Variants in ITGA10 observed in about 807,000 individuals in gnomAD.
ITGA10 encodes integrin subunit alpha 10, also known as integrin alpha-10.
Under a neutral mutation model 145.2 loss-of-function variants are expected in ITGA10, and 105 were observed. The observed-to-expected ratio is 0.72, with a 90% confidence interval of 0.62 to 0.85. ITGA10 has a LOEUF of 0.85. Among genes scored for constraint, ITGA10 ranks in the 40% least tolerant of loss-of-function variants. The probability of loss-of-function intolerance (pLI) is 0.00; values close to 1 mark genes in which losing one functional copy is unlikely to be tolerated. For missense variants in ITGA10, 1,317 were observed against 1,444.5 expected (o/e 0.91, Z 1.43); for synonymous variants, 506 against 557.8 (o/e 0.91, Z 1.31).
At position 145,900,884 on chromosome 1, in the gene ITGA10, T is replaced by C. The variant is rs139375398; in HGVS notation, c.1697A>G (p.Asp566Gly). Reference protein sequence around the residue: ...LPDLNQDGFADVAVGAPLEDG... With the variant: ...LPDLNQDGFAGVAVGAPLEDG... ...TTCCAGAGGCGCCCCCACAGCCACATCAGCAAAACCATCTTGGTTCAGATC... is the reference window on the plus strand; with the variant it reads ...TTCCAGAGGCGCCCCCACAGCCACACCAGCAAAACCATCTTGGTTCAGATC... Residue 566 changes from aspartate to glycine, a missense_variant, in exon 14 of 30, where the codon GAT becomes GGT. Asp to Gly is a moderately conservative substitution (Grantham distance 94, BLOSUM62 -1). Transcript: ENST00000369304. 52 of 1,613,966 alleles carry C rather than the reference T, an allele frequency of 3.2e-5. No homozygotes were observed. Among genetic ancestry groups the C allele is most frequent in the African/African-American group, 4.0e-5 (3 of 74,880 alleles).
In ITGA10 at chr1:145,907,073, GC is replaced by G. The variant is rs782249120; in HGVS notation, c.241del (p.Ala81ProfsTer11). 5.1e-6 allele frequency: 8 copies of G among 1,560,616 alleles called. No individual in the cohort carries two copies. Among genetic ancestry groups the G allele is most frequent in the African/African-American group, 4.1e-5 (3 of 73,674 alleles). ...GDVYRCPVGG[A>X]HNAPCAKGHL... is the part of the protein sequence containing the mutation. ...GCCCTTGGCACATGGGGCATTGTGGGCCCCCCCTACAGGGCAGCGATAAACG... is the reference window on the plus strand; with the variant it reads ...GCCCTTGGCACATGGGGCATTGTGGGCCCCCCTACAGGGCAGCGATAAACG... On this transcript the variant is annotated frameshift_variant, in exon 3 of 30. Coordinates refer to ENST00000369304, the MANE Select transcript of ITGA10 (RefSeq NM_003637.5). LOFTEE classifies it high-confidence loss of function.
rs1553746969 is a variant in ITGA10, at chr1:145,899,307, C to T, written c.1957G>A (p.Glu653Lys). The T allele has an allele frequency of 6.2e-7, 1 of 1,614,156 alleles. No individual in the cohort carries two copies. The change falls in exon 16 of 30, where the codon GAG (glutamate) becomes AAG (lysine). Residue 653 changes from glutamate to lysine, a missense_variant. Glu to Lys is a moderately conservative substitution (Grantham distance 56, BLOSUM62 1). Transcript: ENST00000369304. Reference sequence around the variant, plus strand: ...ACACTGATGGCCTGTGGGGTCACCTCCAGTGATGGGGTCAGATGGACAATG... The same window carrying T: ...ACACTGATGGCCTGTGGGGTCACCTTCAGTGATGGGGTCAGATGGACAATG... ...RPIVHLTPSL[E>K]VTPQAISVVQ...
At chr1:145,893,689 T>C (rs1164598227) in intron 27 of ITGA10, 54 bp from the exon 28 acceptor site, 6 of 1,411,062 alleles carry the variant, frequency 4.3e-6, no homozygotes, top group African/African-American at 4.3e-5. Context: ...TCAGGTGATA[T>C]AGTTCTTTGG....
chr1:145,906,940 T>A, intron 3 of ITGA10, 101 bp downstream of exon 3: 2 of 1,131,442 alleles, frequency 1.8e-6, no homozygotes, highest in Non-Finnish European at 2.6e-6. Flanking sequence ...GGACAGGGAG[T>A]ATGCGGATTT....
At chr1:145,900,672 C>T (rs1315491783) in intron 14 of ITGA10, 118 bp downstream of exon 14, 1 of 1,057,930 alleles carries the variant, frequency 9.5e-7, no homozygotes, top group African/African-American at 1.6e-5. Flanking sequence ...TTTTTGCCTA[C>T]TAATAAAAGC....
At position 145,901,066 on chromosome 1, in the gene ITGA10, A is replaced by C. The variant is rs1469895393; in HGVS notation, c.1587+69T>G. 2 of 1,612,514 alleles carry C rather than the reference A, an allele frequency of 1.2e-6. No individual in the cohort carries two copies. The highest frequency in any genetic ancestry group is 1.7e-6 in the Non-Finnish European group (2 of 1,178,986). ...TCTCAGCAAACCCTCAAATATGTGC[A>C]CCTTCCCTCCTTTCCTCCCTCCACC... On this transcript the variant is annotated intron_variant, in intron 13 of 29. Transcript: ENST00000369304. The surrounding 1 kb of genome is among the most constrained non-coding windows in gnomAD (Gnocchi z 4.3).
intron 7 of ITGA10, 105 bp from the exon 8 acceptor site, chr1:145,903,066 C>G (rs933385183): frequency 1.4e-5 from 13 of 907,582 alleles, no homozygotes; most frequent in African/African-American, 8.9e-5. Flanking sequence ...CACACACACA[C>G]AGGATTTAAC....
chr1:145,896,006 G>C lies in ITGA10; in HGVS notation c.3010C>G (p.Leu1004Val), dbSNP rs782008386. ...VAHGGNYFLS[L>V]SQVITNNASC... ...ACATTGTTAGTGATGACTTGAGACA[G>C]TGATAGGAAGTAATTGCCCCCATGG... is the stretch of plus-strand genomic sequence containing the variant. Residue 1004 changes from leucine to valine, a missense_variant, in exon 25 of 30, where the codon CTG becomes GTG. Coordinates refer to ENST00000369304, the MANE Select transcript of ITGA10 (RefSeq NM_003637.5). The C allele has an allele frequency of 1.9e-6, 3 of 1,613,648 alleles. No homozygotes were observed. Among genetic ancestry groups the C allele is most frequent in the South Asian group, 2.2e-5 (2 of 91,072 alleles).
Position 145,893,525 on chromosome 1 carries a change from G to T in ITGA10, c.3324+15C>A, listed in dbSNP as rs191968356. On this transcript the variant is annotated intron_variant, in intron 28 of 29. Transcript: ENST00000369304. Reference sequence around the variant, plus strand: ...CATTATTTTCACAGCTCTCAGACTCGGTCTCCAGCCCTACCTCACTCCAAC... The same window carrying T: ...CATTATTTTCACAGCTCTCAGACTCTGTCTCCAGCCCTACCTCACTCCAAC... 5.3e-5 allele frequency: 84 copies of T among 1,592,056 alleles called. No homozygotes were observed. In the African/African-American group the frequency reaches 8.7e-4, roughly 17 times the overall value.
intron 26 of ITGA10, 51 bp from the exon 27 acceptor site, chr1:145,895,444 C>T: frequency 6.7e-7 from 1 of 1,486,040 alleles, no homozygotes; most frequent in Non-Finnish European, 9.4e-7. Flanking sequence ...GTAGAAACAT[C>T]CTCTTTCCCC....
Position 145,904,135 on chromosome 1 carries a change from C to T in ITGA10, c.675G>A (p.Lys225=), listed in dbSNP as rs782161888. 5.1e-5 allele frequency: 82 copies of T among 1,614,030 alleles called. No homozygotes were observed. The highest frequency in any genetic ancestry group is 6.9e-5 in the Non-Finnish European group (81 of 1,180,042). Residue 225 remains lysine, a synonymous_variant, in exon 7 of 30, where the codon AAG becomes AAA. Coordinates refer to ENST00000369304, the MANE Select transcript of ITGA10 (RefSeq NM_003637.5). ...HEWSLGDFRT[K]EEVVRAAKNL... ...TCTTTGCTGCTCTCACCACTTCTTCCTTCGTTCGGAAATCTCCCAGGGACC... is the reference window on the plus strand; with the variant it reads ...TCTTTGCTGCTCTCACCACTTCTTCTTTCGTTCGGAAATCTCCCAGGGACC...
chr1:145,904,699 G>T lies in ITGA10; in HGVS notation c.594C>A (p.Asp198Glu). The T allele has an allele frequency of 4.3e-6, 7 of 1,613,950 alleles. No individual in the cohort carries two copies. Among genetic ancestry groups the T allele is most frequent in the Non-Finnish European group, 5.9e-6 (7 of 1,179,922 alleles). Residue 198 changes from aspartate (D) to glutamate (E), a missense_variant, in exon 6 of 30, where the codon GAC becomes GAA. Asp to Glu is a conservative substitution (Grantham distance 45). Transcript: ENST00000369304. Reference sequence around the variant, plus strand: ...CTTCTCTTACCTGTATCTGTTCTGGGTCAATAAACAGTTTCCCTACCAGTC... The same window carrying T: ...CTTCTCTTACCTGTATCTGTTCTGGTTCAATAAACAGTTTCCCTACCAGTC... ...LRRLVGKLFI[D>E]PEQIQVGLVQ...
rs782706784 is a variant in ITGA10 at position 145,901,509 on chromosome 1, G to A, written c.1443+7C>T. ...CCAAAGGTCCCACCCTTCCTTGGAT[G>A]CCCTACCTGCTCCCCCTGGAGGCTC... On this transcript the variant is annotated splice_region_variant and intron_variant, in intron 12 of 29. Coordinates refer to ENST00000369304, the MANE Select transcript of ITGA10 (RefSeq NM_003637.5). The surrounding 1 kb of genome is among the most constrained non-coding windows in gnomAD (Gnocchi z 4.3). 2.0e-5 allele frequency: 31 copies of A among 1,554,560 alleles called. No individual in the cohort carries two copies. The South Asian group carries it at 3.3e-4, about 17-fold the overall frequency.
chr1:145,893,331 C>T, intron 28 of ITGA10, 57 bp from the exon 29 acceptor site: 1 of 1,251,162 alleles, frequency 8.0e-7, no homozygotes, highest in African/African-American at 1.5e-5. Context: ...CTAGCCTCAC[C>T]CCACATTATA....
In ITGA10 at chr1:145,909,969, G is replaced by A; in HGVS notation, c.46C>T (p.Leu16=). 1 of 1,613,260 alleles carries A rather than the reference G, an allele frequency of 6.2e-7. No homozygotes were observed. The highest frequency in any genetic ancestry group is 2.2e-5 in the East Asian group (1 of 44,846). ...VTHLFLPLVF[L]TGLCSPFNLD... ...AGAAGTTAACTTCCCTCACCTGTCAGGAACACCAGGGGCAAGAACAGGTGA... is the reference window on the plus strand; with the variant it reads ...AGAAGTTAACTTCCCTCACCTGTCAAGAACACCAGGGGCAAGAACAGGTGA... Residue 16 remains leucine, a synonymous_variant, in exon 1 of 30, where the codon CTG becomes TTG. Transcript: ENST00000369304.
chr1:145,898,368 T>A (rs912599261), intron 17 of ITGA10, 145 bp from the exon 18 acceptor site: 32 of 281,182 alleles, frequency 1.1e-4, no homozygotes, highest in Non-Finnish European at 1.6e-4. Context: ...TTAATTTATT[T>A]ATTTATTTAT....
rs782255296 is a variant in ITGA10 at position 145,906,732 on chromosome 1, C to A, written c.366+1G>T. 11 of 1,606,874 alleles carry A rather than the reference C, an allele frequency of 6.8e-6. No homozygotes were observed. Among genetic ancestry groups the A allele is most frequent in the Non-Finnish European group, 9.4e-6 (11 of 1,173,578 alleles). ...CTGCCACCACCCTCTCCTTAGCTCACCATGAATCCCCCATCACCATCTGTC... is the reference window on the plus strand; with the variant it reads ...CTGCCACCACCCTCTCCTTAGCTCAACATGAATCCCCCATCACCATCTGTC... On this transcript the variant is annotated splice_donor_variant, in intron 4 of 29. Coordinates refer to ENST00000369304, the MANE Select transcript of ITGA10 (RefSeq NM_003637.5). LOFTEE classifies it high-confidence loss of function.
Position 145,898,218 on chromosome 1 carries a change from T to C in ITGA10, c.2238A>G (p.Thr746=), listed in dbSNP as rs370535952. 9 of 1,607,098 alleles carry C rather than the reference T, an allele frequency of 5.6e-6. No homozygotes were observed. Among genetic ancestry groups the C allele is most frequent in the Non-Finnish European group, 7.7e-6 (9 of 1,173,612 alleles). The change falls in exon 18 of 30, where the codon ACA becomes ACG. Residue 746 remains threonine (T), a synonymous_variant. Coordinates refer to ENST00000369304, the MANE Select transcript of ITGA10 (RefSeq NM_003637.5). The part of the protein sequence containing the change: ...CEQLHFHVLD[T]SDYLRPVALT... Reference sequence around the variant, plus strand: ...AGGCCACTGGCCGGAGGTAATCTGATGTATCCTGAAGGAAAACAGAGTCAC... The same window carrying C: ...AGGCCACTGGCCGGAGGTAATCTGACGTATCCTGAAGGAAAACAGAGTCAC...
chr1:145,896,919 G>A, intron 22 of ITGA10, 61 bp from the exon 23 acceptor site: 2 of 1,538,894 alleles, frequency 1.3e-6, no homozygotes, highest in South Asian at 2.2e-5. Flanking sequence ...ACCCTTCTCT[G>A]TTAATAGAGG....
Sources: allele counts gnomAD v4.1 joint callset, GRCh38; gene constraint gnomAD v4.1.1; non-coding constraint Gnocchi (gnomAD v3.1); transcripts MANE v1.5; gene names NCBI Gene and HGNC (gene_info 2026-07-23, HGNC 2026-07-21).